Variants in DPP10 observed in about 807,000 individuals in gnomAD.
DPP10 encodes the protein dipeptidyl peptidase like 10, also known as inactive dipeptidyl peptidase 10.
A neutral mutation model predicts 120.9 loss-of-function variants in DPP10; 33 were observed. The ratio of observed to expected loss-of-function variants is 0.27; its 90% confidence interval spans 0.21 to 0.37. The LOEUF (loss-of-function observed/expected upper bound fraction) is 0.37. DPP10 is among the 10% of genes least tolerant of loss of function. The pLI is 1.00. For synonymous variants in DPP10, 337 were observed against 326.1 expected (o/e 1.03, Z -0.36); for missense variants, 816 against 942.8 (o/e 0.87, Z 1.76).
At chr2:115,453,900 A>G (rs938115562) in intron 3 of DPP10, among the ~76,000 whole-genome samples, 11 of 151,432 alleles carry the variant, frequency 7.3e-5, no homozygotes, top group African/African-American at 2.4e-4. Flanking sequence ...AAGACTGACA[A>G]TGAAAGAGAT....
chr2:114,519,039 C>T (rs993964112), intron 1 of DPP10, among the ~76,000 whole-genome samples: 2 of 152,186 alleles, frequency 1.3e-5, no homozygotes. Flanking sequence ...AGATCGAAGG[C>T]CTACTGTCTC....
intron 1 of DPP10, among the ~76,000 whole-genome samples, chr2:114,692,771 G>A (rs1220115988): frequency 1.3e-5 from 2 of 151,952 alleles, no homozygotes; most frequent in African/African-American, 4.8e-5. Flanking sequence ...TCCTGTATTG[G>A]GTGCATATAT....
At chr2:115,278,027 G>A (rs1487217328) in intron 1 of DPP10, among the ~76,000 whole-genome samples, 3 of 152,124 alleles carry the variant, frequency 2.0e-5, no homozygotes, top group African/African-American at 7.2e-5. Flanking sequence ...AGTTTGATAA[G>A]GTAGTTAAGG....
At chr2:115,328,785 C>A (rs1393445993) in intron 2 of DPP10, among the ~76,000 whole-genome samples, 3 of 152,106 alleles carry the variant, frequency 2.0e-5, no homozygotes, top group African/African-American at 7.2e-5. Flanking sequence ...GTCCTTAGAA[C>A]ACTGCTGGAT....
At chr2:115,234,023 G>A (rs188289450) in intron 1 of DPP10, 2 of 499,114 alleles carry the variant, frequency 4.0e-6, no homozygotes, top group Middle Eastern at 3.3e-4. Context: ...GCTTTTCAAG[G>A]TACCTTTATC....
At chr2:114,642,035 A>G (rs1695745289) in intron 1 of DPP10, among the ~76,000 whole-genome samples, 1 of 151,938 alleles carries the variant, frequency 6.6e-6, no homozygotes, top group Non-Finnish European at 1.5e-5. Context: ...ATTTTAGAAT[A>G]ATTTTAAGTC....
chr2:114,538,806 C>T (rs1389313742), intron 1 of DPP10, among the ~76,000 whole-genome samples: 1 of 152,204 alleles, frequency 6.6e-6, no homozygotes, highest in Non-Finnish European at 1.5e-5. Context: ...GAGAGAATGT[C>T]CAACTTGCAG....
At chr2:114,742,352 A>G (rs1051581954) in intron 1 of DPP10, among the ~76,000 whole-genome samples, 4 of 152,236 alleles carry the variant, frequency 2.6e-5, no homozygotes, top group African/African-American at 7.2e-5. Flanking sequence ...AGAAAAAACT[A>G]AAAAATATTT....
intron 1 of DPP10, among the ~76,000 whole-genome samples, chr2:114,793,318 C>A (rs765879425): frequency 2.6e-5 from 4 of 152,024 alleles, no homozygotes; most frequent in African/African-American, 4.8e-5. Flanking sequence ...CCCAGACAAG[C>A]CCCAGTGCGT....
intron 24 of DPP10, among the ~76,000 whole-genome samples, chr2:115,838,451 A>G (rs1308667132): frequency 6.6e-6 from 1 of 152,204 alleles, no homozygotes; most frequent in Non-Finnish European, 1.5e-5. Context: ...TTAGGAAATG[A>G]TATAACTTCC....
intron 1 of DPP10, among the ~76,000 whole-genome samples, chr2:114,611,350 C>G (rs531881766): frequency 1.9e-4 from 29 of 152,236 alleles, no homozygotes; most frequent in African/African-American, 6.7e-4. Flanking sequence ...TTATTTCTTC[C>G]TTTGTAGTGT....
chr2:115,373,642 C>G (rs776090840), intron 3 of DPP10, among the ~76,000 whole-genome samples: 3 of 151,894 alleles, frequency 2.0e-5, no homozygotes, highest in African/African-American at 7.2e-5. Flanking sequence ...GTAGATAGTC[C>G]ATAAGTTAAA....
At chr2:114,498,205 T>C (rs1682847855) in intron 1 of DPP10, among the ~76,000 whole-genome samples, 1 of 152,198 alleles carries the variant, frequency 6.6e-6, no homozygotes, top group South Asian at 2.1e-4. Flanking sequence ...CATTTTGAAA[T>C]GTGCAACACA....
rs1197557957 is a variant in DPP10 at position 114,803,038 on chromosome 2, C to T, written c.60+360200C>T. Among the ~76,000 whole-genome samples, 3 of 152,262 alleles carry T rather than the reference C, an allele frequency of 2.0e-5. No individual in the cohort carries two copies. In the South Asian group the frequency reaches 6.2e-4, roughly 32 times the overall value. Reference sequence around the variant, plus strand: ...AACTTGAATTTTATCTCCCAGAATTCCTACGTGTTGTACGAGGGACTCACG... The same window carrying T: ...AACTTGAATTTTATCTCCCAGAATTTCTACGTGTTGTACGAGGGACTCACG... On this transcript the variant is annotated intron_variant, in intron 1 of 25. Coordinates refer to ENST00000410059, the MANE Select transcript of DPP10 (RefSeq NM_020868.6).
At chr2:114,919,097 A>C (rs940043856) in intron 1 of DPP10, among the ~76,000 whole-genome samples, 2 of 151,680 alleles carry the variant, frequency 1.3e-5, no homozygotes, top group Admixed American at 1.3e-4. Context: ...GACAAAAGAA[A>C]GGAGTCAATG....
At chr2:115,051,533 G>T (rs372206391) in intron 1 of DPP10, among the ~76,000 whole-genome samples, 169 of 152,188 alleles carry the variant, frequency 1.1e-3, no homozygotes, top group African/African-American at 4.0e-3. Flanking sequence ...AAGAAATTAA[G>T]AACATGGTTA....
intron 5 of DPP10, among the ~76,000 whole-genome samples, chr2:115,549,153 G>A (rs2079712020): frequency 6.6e-6 from 1 of 152,072 alleles, no homozygotes; most frequent in South Asian, 2.1e-4. Flanking sequence ...TTGTTGTTTG[G>A]ATACATTGAC....
intron 1 of DPP10, among the ~76,000 whole-genome samples, chr2:114,608,308 C>T (rs1217632093): frequency 6.6e-6 from 1 of 152,072 alleles, no homozygotes; most frequent in East Asian, 1.9e-4. Flanking sequence ...ACTAACCCAC[C>T]AAGTACAGAT....
At position 115,499,644 on chromosome 2, in the gene DPP10, C is replaced by G. The variant is rs1220093834; in HGVS notation, c.366+40C>G. 3 of 1,486,410 alleles carry G rather than the reference C, an allele frequency of 2.0e-6. No individual in the cohort carries two copies. In the South Asian group the frequency reaches 3.5e-5, roughly 17 times the overall value. The allele number at this position is 1,486,410 out of a possible 1,614,324, so 92.1% of individuals were successfully genotyped here. A position where few individuals can be genotyped will look rare whatever the true frequency, so the allele number is the denominator to read the frequency against. On this transcript the variant is annotated intron_variant, in intron 4 of 25. Coordinates refer to ENST00000410059, the MANE Select transcript of DPP10 (RefSeq NM_020868.6). ...ATTAATTACTTTATGCATTTCAGTA[C>G]TGTTTAGAAAGCTCTCTAGATGTAC...
Sources: gnomAD v4.1 joint callset for allele counts (sites outside exome capture counted in the v4.1 genomes callset) on GRCh38, gnomAD v4.1.1 for gene constraint, MANE v1.5 for transcripts, NCBI Gene and HGNC (gene_info 2026-07-23, HGNC 2026-07-21) for gene names.